Variants in TAFA4 observed in about 807,000 individuals in gnomAD.
The protein encoded by TAFA4 is TAFA chemokine like family member 4.
Under a neutral mutation model 21.1 loss-of-function variants are expected in TAFA4, and 20 were observed. The ratio of observed to expected loss-of-function variants is 0.95; its 90% CI spans 0.67 to 1.38. TAFA4 has a LOEUF of 1.38. Among genes scored for constraint, TAFA4 ranks in the 40% most tolerant of loss-of-function variants. The pLI is 0.00. For missense variants in TAFA4, 211 were observed against 180.9 expected (o/e 1.17, Z -0.95); for synonymous variants, 71 against 67.4 (o/e 1.05, Z -0.26).
In TAFA4 at chr3:68,732,068, T is replaced by C. The variant is rs1024500464; in HGVS notation, c.*1074A>G. The C allele has an allele frequency of 6.6e-6, 1 of 152,626 alleles. No homozygotes were observed. Among genetic ancestry groups the C allele is most frequent in the Non-Finnish European group, 1.5e-5 (1 of 68,034 alleles). The allele number at this position is 152,626 out of a possible 1,614,324, so 9.5% of individuals were successfully genotyped here. A position where few individuals can be genotyped will look rare whatever the true frequency, so the allele number is the denominator to read the frequency against. On this transcript the variant is annotated 3_prime_UTR_variant, in exon 6 of 6. Transcript: ENST00000295569. ...CATCTAAAATCTGGGTCAGTCATTC[T>C]TCATCTGTTTCATACGTTTCCGCAT...
intron 5 of TAFA4, among the ~76,000 whole-genome samples, chr3:68,736,650 C>T (rs192005880): frequency 1.3e-5 from 2 of 152,052 alleles, no homozygotes; most frequent in Non-Finnish European, 2.9e-5. Flanking sequence ...GACAATTGCT[C>T]TGCTTTTCTA....
intron 3 of TAFA4, among the ~76,000 whole-genome samples, chr3:68,842,778 C>A (rs531924816): frequency 6.6e-6 from 1 of 152,302 alleles, no homozygotes; most frequent in South Asian, 2.1e-4. Flanking sequence ...CCAGTTCTCC[C>A]AACACCATTT....
chr3:68,757,332 T>C (rs1254226799), intron 3 of TAFA4, among the ~76,000 whole-genome samples: 2 of 152,124 alleles, frequency 1.3e-5, no homozygotes, highest in Non-Finnish European at 1.5e-5. Context: ...TGCCCTTAAA[T>C]GACCTCATTT....
chr3:68,840,707 C>T (rs1704640934), intron 3 of TAFA4, among the ~76,000 whole-genome samples: 1 of 152,130 alleles, frequency 6.6e-6, no homozygotes, highest in African/African-American at 2.4e-5. Flanking sequence ...GCCCTGGTCC[C>T]TCCCATATAG....
At chr3:68,772,774 T>G (rs1702982191) in intron 3 of TAFA4, among the ~76,000 whole-genome samples, 1 of 152,134 alleles carries the variant, frequency 6.6e-6, no homozygotes, top group Non-Finnish European at 1.5e-5. Context: ...GCTTGCAGAC[T>G]GCCTGTCATT....
chr3:68,737,829 G>T (rs1354162428), intron 5 of TAFA4, among the ~76,000 whole-genome samples: 2 of 152,144 alleles, frequency 1.3e-5, no homozygotes, highest in Non-Finnish European at 2.9e-5. Flanking sequence ...TTCACTGTAT[G>T]TACTTCCTAA....
intron 3 of TAFA4, among the ~76,000 whole-genome samples, chr3:68,760,219 G>T (rs1026242042): frequency 1.3e-5 from 2 of 152,084 alleles, no homozygotes; most frequent in Non-Finnish European, 2.9e-5. Context: ...ATAGAGGATG[G>T]ATTAACTTTA....
intron 3 of TAFA4, among the ~76,000 whole-genome samples, chr3:68,841,633 G>A (rs1425760318): frequency 6.6e-6 from 1 of 152,000 alleles, no homozygotes; most frequent in Non-Finnish European, 1.5e-5. Flanking sequence ...GTGCCATGGT[G>A]GTTTGCTGCA....
intron 3 of TAFA4, among the ~76,000 whole-genome samples, chr3:68,847,879 C>CTTTGAA (rs1704846468): frequency 6.6e-6 from 1 of 152,166 alleles, no homozygotes; most frequent in African/African-American, 2.4e-5. Flanking sequence ...AACATGCCCT[C>CTTTGAA]CAAAGGTTAA....
intron 3 of TAFA4, among the ~76,000 whole-genome samples, chr3:68,783,673 C>CAGAGAGAGAGAGAGAGAG (rs1163439201): frequency 1.2e-5 from 1 of 86,130 alleles, no homozygotes; most frequent in Non-Finnish European, 2.3e-5. Flanking sequence ...CACACACACA[C>CAGAGAGAGAGAGAGAGAG]AGAGAGAGAG....
chr3:68,737,854 A>C, intron 5 of TAFA4, among the ~76,000 whole-genome samples: 1 of 152,182 alleles, frequency 6.6e-6, no homozygotes, highest in Non-Finnish European at 1.5e-5. Flanking sequence ...TCAAAGCTCA[A>C]TAGCAATGAG....
chr3:68,928,851 T>C (rs1443016032), intron 1 of TAFA4, among the ~76,000 whole-genome samples: 1 of 152,150 alleles, frequency 6.6e-6, no homozygotes, highest in Non-Finnish European at 1.5e-5. Flanking sequence ...CCAGGTTTTT[T>C]AAATAACATA....
At chr3:68,887,331 C>G (rs780409392) in intron 1 of TAFA4, among the ~76,000 whole-genome samples, 1 of 152,298 alleles carries the variant, frequency 6.6e-6, no homozygotes, top group Non-Finnish European at 1.5e-5. Flanking sequence ...GCCAATGCCA[C>G]GGGCAGCCCT....
intron 3 of TAFA4, among the ~76,000 whole-genome samples, chr3:68,873,498 T>A (rs1490004): frequency 6.6e-6 from 1 of 151,874 alleles, no homozygotes; most frequent in African/African-American, 2.4e-5. Context: ...CCCTTTCAAT[T>A]TGGGTATTAT....
intron 3 of TAFA4, among the ~76,000 whole-genome samples, chr3:68,810,078 A>C (rs1377255718): frequency 6.6e-6 from 1 of 152,174 alleles, no homozygotes; most frequent in Non-Finnish European, 1.5e-5. Flanking sequence ...TTCCACATGA[A>C]TTTTAGAATT....
At chr3:68,858,199 C>T (rs976780254) in intron 3 of TAFA4, among the ~76,000 whole-genome samples, 5 of 152,048 alleles carry the variant, frequency 3.3e-5, no homozygotes, top group Non-Finnish European at 7.4e-5. Context: ...GTGATTCACT[C>T]GTAAGAAAGA....
At chr3:68,881,486 T>TA (rs975247564) in intron 2 of TAFA4, among the ~76,000 whole-genome samples, 23 of 151,826 alleles carry the variant, frequency 1.5e-4, no homozygotes, top group Non-Finnish European at 2.4e-4. Flanking sequence ...AACAAAAGAG[T>TA]AAAAAAAAGG....
intron 3 of TAFA4, among the ~76,000 whole-genome samples, chr3:68,763,281 GGAT>G (rs1252862248): frequency 6.6e-6 from 1 of 152,124 alleles, no homozygotes; most frequent in African/African-American, 2.4e-5. Flanking sequence ...GTAAAATGGA[GGAT>G]GATATATTAG....
intron 2 of TAFA4, among the ~76,000 whole-genome samples, 162 bp downstream of exon 2, chr3:68,885,013 C>T (rs2089656368): frequency 6.6e-6 from 1 of 152,172 alleles, no homozygotes; most frequent in Non-Finnish European, 1.5e-5. Context: ...TTTCATTTCA[C>T]AGATGAAAGC....
Sources: allele counts gnomAD v4.1 joint callset (sites outside exome capture counted in the v4.1 genomes callset), GRCh38; gene constraint gnomAD v4.1.1; transcripts MANE v1.5; gene names NCBI Gene and HGNC (gene_info 2026-07-23, HGNC 2026-07-21).